The following SRSF11 variants were observed in gnomAD, a reference collection of about 807,000 sequenced individuals.
The protein encoded by SRSF11 is serine/arginine-rich splicing factor 11.
SRSF11 carries 9 observed loss-of-function variants against 56.0 expected under a neutral mutation model. That is an observed-to-expected ratio of 0.16 (90% CI 0.10 to 0.28). SRSF11 has a LOEUF of 0.28. SRSF11 is among the 10% of genes least tolerant of loss of function. The pLI, the probability that SRSF11 is intolerant of heterozygous loss-of-function variation, is 1.00. For synonymous variants in SRSF11, 222 were observed against 215.3 expected (o/e 1.03, Z -0.27); for missense variants, 421 against 600.7 (o/e 0.70, Z 3.13).
At chr1:70,236,465 G>T (rs1195942917) in intron 5 of SRSF11, among the ~76,000 whole-genome samples, 1 of 151,576 alleles carries the variant, frequency 6.6e-6, no homozygotes, top group Non-Finnish European at 1.5e-5. Flanking sequence ...CAAGTAGCTG[G>T]GACTATGGGC....
Position 70,221,450 on chromosome 1 carries a change from C to A in SRSF11, c.-187C>A, listed in dbSNP as rs1437991569. On this transcript the variant is annotated 5_prime_UTR_variant, in exon 1 of 12. Transcript: ENST00000370949. ...TGGTCTCGAGCTCGCGCGCTCTCAT[C>A]CCCTCCCCCGCGGCGTGCGGCGGGG... 1.9e-5 allele frequency: 14 copies of A among 751,550 alleles called. No homozygotes were observed. Among genetic ancestry groups the A allele is most frequent in the East Asian group, 3.1e-5 (1 of 32,160 alleles). The allele number at this position is 751,550 out of a possible 1,614,324, so 46.6% of individuals were successfully genotyped here. A position where few individuals can be genotyped will look rare whatever the true frequency, so the allele number is the denominator to read the frequency against.
At chr1:70,207,985 TA>T (rs1669209651) in intron 1 of SRSF11, among the ~76,000 whole-genome samples, 2 of 152,084 alleles carry the variant, frequency 1.3e-5, no homozygotes, top group Admixed American at 6.5e-5. Context: ...GCACTGGGAT[TA>T]CAGGCATGAG....
Position 70,221,486 on chromosome 1 carries a change from G to GCGC in SRSF11, c.-149_-148insCCG. 9.6e-7 allele frequency: 1 copy of GCGC among 1,043,970 alleles called. No individual in the cohort carries two copies. The allele number at this position is 1,043,970 out of a possible 1,614,324, so 64.7% of individuals were successfully genotyped here. ...CGGCGTGCGGCGGGGCGGAGAAACGGCGGCGGCGGCGGCGGCATCGGCAGC... is the reference window on the plus strand; with the variant it reads ...CGGCGTGCGGCGGGGCGGAGAAACGGCGCCGGCGGCGGCGGCGGCATCGGCAGC... On this transcript the variant is annotated 5_prime_UTR_variant, in exon 1 of 12. Transcript: ENST00000370949.
At chr1:70,228,629 T>G (rs189751005) in intron 2 of SRSF11, 74 bp downstream of exon 2, 198 of 1,473,640 alleles carry the variant, frequency 1.3e-4, no homozygotes, top group Middle Eastern at 1.8e-4. Context: ...AGAGTGAGCA[T>G]TAGTAGCATG....
chr1:70,227,609 T>G (rs1571716238), intron 1 of SRSF11, among the ~76,000 whole-genome samples: 1 of 152,200 alleles, frequency 6.6e-6, no homozygotes, highest in Admixed American at 6.5e-5. Flanking sequence ...CCTGTATTCA[T>G]GCACAGAGTT....
intron 1 of SRSF11, among the ~76,000 whole-genome samples, chr1:70,213,856 T>C (rs535424982): frequency 6.6e-6 from 1 of 152,292 alleles, no homozygotes; most frequent in South Asian, 2.1e-4. Context: ...TCAGGTTGAC[T>C]CTAGGGCCTG....
intron 8 of SRSF11, among the ~76,000 whole-genome samples, chr1:70,246,563 A>G (rs545157691): frequency 1.3e-5 from 2 of 152,290 alleles, no homozygotes; most frequent in Non-Finnish European, 2.9e-5. Context: ...TCAAGCCAAC[A>G]TCCTAGTTAT....
In SRSF11 at chr1:70,237,445, G is replaced by A. The variant is rs1674374577; in HGVS notation, c.611G>A (p.Gly204Asp). 3 of 1,613,348 alleles carry A rather than the reference G, an allele frequency of 1.9e-6. No individual in the cohort carries two copies. The highest frequency in any genetic ancestry group is 3.3e-5 in the Admixed American group (2 of 59,928). The stretch of plus-strand genomic sequence containing the variant: ...TTCAGGTTGAATCATGTAGCTGCTG[G>A]TCTCGTTTCACCAAGTCTGAAATCG... ...VDPKLNHVAA[G>D]LVSPSLKSDT... The change falls in exon 6 of 12, where the codon GGT (glycine) becomes GAT (aspartate). Residue 204 changes from glycine to aspartate, a missense_variant. By Grantham distance (94) the Gly-to-Asp change is moderately conservative. Coordinates refer to ENST00000370949, the MANE Select transcript of SRSF11 (RefSeq NM_001350605.2).
intron 2 of SRSF11, chr1:70,229,254 T>G: frequency 1.6e-6 from 2 of 1,289,478 alleles, no homozygotes; most frequent in Non-Finnish European, 2.0e-6. Flanking sequence ...TGAAAAACAG[T>G]GGGTCCTCTG....
chr1:70,217,624 A>G (rs1260104686), upstream of SRSF11, among the ~76,000 whole-genome samples: 4 of 152,184 alleles, frequency 2.6e-5, no homozygotes, highest in Non-Finnish European at 4.4e-5. Flanking sequence ...CTGCCTCTCA[A>G]TGATATTGTA....
intron 5 of SRSF11, 87 bp downstream of exon 5, chr1:70,235,637 TATC>T: frequency 7.8e-7 from 1 of 1,279,176 alleles, no homozygotes. Flanking sequence ...ATAAGAAAGT[TATC>T]AAGTTATCTT....
chr1:70,246,788 A>G, intron 8 of SRSF11, 30 bp from the exon 9 acceptor site: 1 of 1,494,668 alleles, frequency 6.7e-7, no homozygotes, highest in South Asian at 1.2e-5. Flanking sequence ...GAGTCTTCTA[A>G]TGCATTCATA....
At position 70,244,765 on chromosome 1, in the gene SRSF11, A is replaced by G. The variant is rs1676352333; in HGVS notation, c.882A>G (p.Arg294=). The G allele has an allele frequency of 6.2e-7, 1 of 1,614,208 alleles. No individual in the cohort carries two copies. Among genetic ancestry groups the G allele is most frequent in the Non-Finnish European group, 8.5e-7 (1 of 1,180,042 alleles). The change falls in exon 8 of 12, where the codon AGA becomes AGG. Residue 294 remains arginine (R), a synonymous_variant. Transcript: ENST00000370949. The part of the protein sequence containing the change: ...RRRSKSPRRR[R]SHSRERGRRS... ...GATCCAAAAGCCCAAGGCGGAGAAG[A>G]TCTCATTCCAGAGAAAGAGGTAGAA...
chr1:70,229,813 G>A (rs1672516721), intron 2 of SRSF11: 1 of 983,578 alleles, frequency 1.0e-6, no homozygotes, highest in Non-Finnish European at 1.2e-6. Flanking sequence ...TTTATAAATG[G>A]GTTAAGACAT....
At chr1:70,211,120 T>C (rs936136099) in intron 1 of SRSF11, among the ~76,000 whole-genome samples, 6 of 152,170 alleles carry the variant, frequency 3.9e-5, no homozygotes, top group Admixed American at 3.9e-4. Flanking sequence ...AAGACTAATA[T>C]GTTCTCTGAC....
intron 2 of SRSF11, chr1:70,230,621 GA>G (rs1390881541): frequency 2.1e-5 from 27 of 1,280,570 alleles, no homozygotes; most frequent in Non-Finnish European, 2.7e-5. Flanking sequence ...ATTAACTGGT[GA>G]GGGGCCTCAT....
At chr1:70,229,230 C>G (rs1672428611) in intron 2 of SRSF11, 1 of 1,289,330 alleles carries the variant, frequency 7.8e-7, no homozygotes, top group African/African-American at 1.5e-5. Context: ...AAATGCAAAA[C>G]CCTTCCAGAT....
chr1:70,210,025 G>C (rs969349953), intron 1 of SRSF11, among the ~76,000 whole-genome samples: 1 of 151,840 alleles, frequency 6.6e-6, no homozygotes, highest in Non-Finnish European at 1.5e-5. Flanking sequence ...TTTTCTAATG[G>C]AGAGAGTGCA....
At chr1:70,205,718 G>T, upstream of SRSF11, 1 of 548,656 alleles carries the variant, frequency 1.8e-6, no homozygotes, top group Non-Finnish European at 3.1e-6. Flanking sequence ...GCCTGGGCTG[G>T]AGGACAGAGA....
Sources: gnomAD v4.1 joint callset for allele counts (sites outside exome capture counted in the v4.1 genomes callset) on GRCh38, gnomAD v4.1.1 for gene constraint, MANE v1.5 for transcripts, NCBI Gene and HGNC (gene_info 2026-07-23, HGNC 2026-07-21) for gene names.